ZNF169: variants seen among roughly 807,000 people sequenced by gnomAD.
The protein encoded by ZNF169 is zinc finger protein 169.
In ZNF169, 11 loss-of-function variants were observed where a neutral mutation model predicts 12.0. That is an observed-to-expected ratio of 0.92 (90% confidence interval 0.58 to 1.52). The LOEUF (loss-of-function observed/expected upper bound fraction) is 1.52. ZNF169 is among the 40% of genes most tolerant of loss of function. The probability of loss-of-function intolerance (pLI) is 0.00; values close to 1 mark genes in which losing one functional copy is unlikely to be tolerated. For synonymous variants in ZNF169, 302 were observed against 286.5 expected (o/e 1.05, Z -0.55); for missense variants, 722 against 744.0 (o/e 0.97, Z 0.34).
chr9:94,273,022 C>T (rs1360142891), intron 1 of ZNF169, among the ~76,000 whole-genome samples: 1 of 151,660 alleles, frequency 6.6e-6, no homozygotes, highest in Non-Finnish European at 1.5e-5. Context: ...ATTTCTATAT[C>T]TTCTTTAGAG....
intron 2 of ZNF169, among the ~76,000 whole-genome samples, chr9:94,287,091 A>G (rs1247090763): frequency 6.6e-6 from 1 of 152,224 alleles, no homozygotes; most frequent in East Asian, 1.9e-4. Flanking sequence ...TTTACAAAGT[A>G]TCTACATATT....
At chr9:94,271,506 G>C (rs909201774) in intron 1 of ZNF169, among the ~76,000 whole-genome samples, 4 of 151,914 alleles carry the variant, frequency 2.6e-5, no homozygotes, top group Non-Finnish European at 5.9e-5. Flanking sequence ...CAGATCACTC[G>C]GTCAAAAGAT....
At chr9:94,272,256 G>A (rs1168133360) in intron 1 of ZNF169, among the ~76,000 whole-genome samples, 1 of 151,990 alleles carries the variant, frequency 6.6e-6, no homozygotes, top group Non-Finnish European at 1.5e-5. Context: ...GGAGGGGGTT[G>A]TAGGAGCTTT....
At chr9:94,286,509 A>G (rs1472992382) in intron 2 of ZNF169, among the ~76,000 whole-genome samples, 3 of 152,020 alleles carry the variant, frequency 2.0e-5, no homozygotes, top group African/African-American at 7.3e-5. Context: ...GTGGGAAGTG[A>G]TTGGATCAGG....
chr9:94,281,594 A>G (rs1830632673), intron 2 of ZNF169, among the ~76,000 whole-genome samples: 1 of 152,216 alleles, frequency 6.6e-6, no homozygotes, highest in African/African-American at 2.4e-5. Flanking sequence ...ACCATGGCCC[A>G]TGACACAGCT....
In ZNF169 at chr9:94,292,417, C is replaced by T. The variant is rs1216911549; in HGVS notation, c.110C>T (p.Thr37Ile). 2 of 1,614,112 alleles carry T rather than the reference C, an allele frequency of 1.2e-6. No homozygotes were observed. Among genetic ancestry groups the T allele is most frequent in the South Asian group, 2.2e-5 (2 of 91,084 alleles). ...AAGCTATTGAGTTCTGCTCAGAGGA[C>T]CCTGTACAGGGAGGTGATGCTGGAG... ...EWKLLSSAQR[T>I]LYREVMLENY... The change falls in exon 3 of 5, where the codon ACC (threonine) becomes ATC (isoleucine). Residue 37 changes from threonine (T) to isoleucine (I), a missense_variant. Physicochemically the swap from Thr to Ile is moderately conservative, Grantham distance 89. Transcript: ENST00000395395.
intron 1 of ZNF169, among the ~76,000 whole-genome samples, chr9:94,264,388 C>G (rs1316518250): frequency 2.0e-5 from 3 of 152,156 alleles, no homozygotes; most frequent in Non-Finnish European, 4.4e-5. Context: ...CCACCTTGGC[C>G]CCCCAAAGTG....
At chr9:94,287,599 C>T (rs1290228247) in intron 2 of ZNF169, 5 of 513,168 alleles carry the variant, frequency 9.7e-6, no homozygotes, top group African/African-American at 1.9e-5. Flanking sequence ...CTCCTGACCT[C>T]GTGATCCGCC....
intron 1 of ZNF169, among the ~76,000 whole-genome samples, chr9:94,260,812 ATTTT>A (rs561717345): frequency 3.0e-4 from 21 of 70,122 alleles, no homozygotes; most frequent in African/African-American, 7.8e-4. Flanking sequence ...CCAAACCTAC[ATTTT>A]TTTTTTTTTT....
intron 1 of ZNF169, among the ~76,000 whole-genome samples, chr9:94,270,894 T>A (rs1288379986): frequency 5.7e-5 from 1 of 17,680 alleles, no homozygotes; most frequent in African/African-American, 2.6e-4. Context: ...TAAATATATA[T>A]AATAATATAT....
At chr9:94,298,190 A>G (rs1269810297) in intron 4 of ZNF169, among the ~76,000 whole-genome samples, 1 of 152,008 alleles carries the variant, frequency 6.6e-6, no homozygotes, top group Admixed American at 6.6e-5. Context: ...AATTTGTTCA[A>G]GGAGACTCAA....
chr9:94,292,296 G>C, intron 2 of ZNF169, 45 bp from the exon 3 acceptor site: 1 of 1,613,410 alleles, frequency 6.2e-7, no homozygotes, highest in Non-Finnish European at 8.5e-7. Context: ...TTGGTTAGTG[G>C]GCATGGCTGG....
chr9:94,265,355 G>A (rs1022581564), intron 1 of ZNF169, among the ~76,000 whole-genome samples: 3 of 151,976 alleles, frequency 2.0e-5, no homozygotes, highest in African/African-American at 4.8e-5. Context: ...TGAGGCAGGC[G>A]GATCACTTGA....
At chr9:94,261,397 C>CA (rs539531006) in intron 1 of ZNF169, among the ~76,000 whole-genome samples, 5 of 152,178 alleles carry the variant, frequency 3.3e-5, no homozygotes, top group Non-Finnish European at 5.9e-5. Flanking sequence ...CTCGGCCTCC[C>CA]AAAGTGCTGG....
rs1830286220 is a variant in ZNF169 at position 94,266,077 on chromosome 9, CTT to C, written c.-56+6734_-56+6735del. Among the ~76,000 whole-genome samples, 4 of 75,496 alleles carry C rather than the reference CTT, an allele frequency of 5.3e-5. No homozygotes were observed. In the South Asian group the frequency reaches 2.4e-3, roughly 45 times the overall value. The allele number at this position is 75,496 out of a possible 152,430, so 49.5% of individuals were successfully genotyped here. A position where few individuals can be genotyped will look rare whatever the true frequency, so the allele number is the denominator to read the frequency against. On this transcript the variant is annotated intron_variant, in intron 1 of 4. Coordinates refer to ENST00000395395, the MANE Select transcript of ZNF169 (RefSeq NM_194320.4). ...CTCCAGCCTGGGCAACAGAGAAAGA[CTT>C]TGTCTCAAAAAAAAAAAAAAAAAAA...
intron 1 of ZNF169, among the ~76,000 whole-genome samples, chr9:94,264,308 G>A (rs548603344): frequency 6.6e-5 from 10 of 152,112 alleles, no homozygotes; most frequent in African/African-American, 2.2e-4. Flanking sequence ...GCTAATTTTT[G>A]TATTTTTAGT....
intron 1 of ZNF169, among the ~76,000 whole-genome samples, chr9:94,263,038 C>T (rs1830232464): frequency 6.6e-6 from 1 of 152,106 alleles, no homozygotes; most frequent in African/African-American, 2.4e-5. Flanking sequence ...GGGAATGTAC[C>T]ATGGGCCCTT....
chr9:94,299,582 A>G (rs1226949693), intron 4 of ZNF169: 8 of 1,363,046 alleles, frequency 5.9e-6, no homozygotes, highest in Non-Finnish European at 7.5e-6. Flanking sequence ...GTGTAACTCT[A>G]CTTGCAGCAA....
intron 2 of ZNF169, among the ~76,000 whole-genome samples, chr9:94,286,920 A>G (rs979561041): frequency 6.6e-6 from 1 of 152,190 alleles, no homozygotes; most frequent in Non-Finnish European, 1.5e-5. Flanking sequence ...AGAGGTGAGG[A>G]TGAACTGGGG....
Sources: allele counts gnomAD v4.1 joint callset (sites outside exome capture counted in the v4.1 genomes callset), GRCh38; gene constraint gnomAD v4.1.1; transcripts MANE v1.5; gene names NCBI Gene and HGNC (gene_info 2026-07-23, HGNC 2026-07-21).